KAT6B: variants seen among roughly 807,000 people sequenced by gnomAD.
The protein encoded by KAT6B is histone acetyltransferase KAT6B.
A neutral mutation model predicts 187.5 loss-of-function variants in KAT6B; 10 were observed. The ratio of observed to expected loss-of-function variants is 0.05; its 90% CI spans 0.03 to 0.09. The LOEUF (loss-of-function observed/expected upper bound fraction) is 0.09, where lower values mean the gene tolerates loss of function less well. KAT6B is among the 10% of genes least tolerant of loss of function. The pLI is 1.00. For missense variants in KAT6B, 1,952 were observed against 2,558.9 expected, an observed-to-expected ratio of 0.76 and a Z score of 5.12; for synonymous variants, 861 against 926.8, an observed-to-expected ratio of 0.93 and a Z score of 1.29.
At chr10:74,897,495 A>G (rs1056069312) in intron 3 of KAT6B, among the ~76,000 whole-genome samples, 2 of 152,190 alleles carry the variant, frequency 1.3e-5, no homozygotes, top group Non-Finnish European at 2.9e-5. Flanking sequence ...CCTCAGCCCC[A>G]TTAGTTAATT....
chr10:75,022,681 A>G (rs1845530962), intron 16 of KAT6B, among the ~76,000 whole-genome samples: 1 of 152,218 alleles, frequency 6.6e-6, no homozygotes, highest in South Asian at 2.1e-4. Context: ...CTGTAATCCC[A>G]GCACTTTGGG....
intron 13 of KAT6B, among the ~76,000 whole-genome samples, chr10:75,012,950 T>C (rs1187049693): frequency 6.6e-6 from 1 of 152,016 alleles, no homozygotes; most frequent in Non-Finnish European, 1.5e-5. Flanking sequence ...CAGTGGCCCT[T>C]TGGGGAAGAG....
chr10:75,031,451 T>C lies in KAT6B; in HGVS notation c.*405T>C. The stretch of plus-strand genomic sequence containing the variant: ...CCTGTCCACTCCATGTAAATGCCTT[T>C]AGCATTTCAGTTATTGTATATTTTG... On this transcript the variant is annotated 3_prime_UTR_variant, in exon 18 of 18. Coordinates refer to ENST00000287239, the MANE Select transcript of KAT6B (RefSeq NM_012330.4). 3.0e-6 allele frequency: 1 copy of C among 332,450 alleles called. No homozygotes were observed. Among genetic ancestry groups the C allele is most frequent in the South Asian group, 4.7e-5 (1 of 21,282 alleles). 20.6% of individuals were successfully genotyped at this position (332,450 alleles called of 1,614,324 possible).
At chr10:74,869,970 A>T (rs1843797299) in intron 3 of KAT6B, among the ~76,000 whole-genome samples, 1 of 152,176 alleles carries the variant, frequency 6.6e-6, no homozygotes, top group South Asian at 2.1e-4. Flanking sequence ...GTCTGAGATA[A>T]CATACAGAGA....
intron 3 of KAT6B, among the ~76,000 whole-genome samples, chr10:74,894,734 C>A (rs1845869169): frequency 1.3e-5 from 2 of 152,140 alleles, no homozygotes; most frequent in African/African-American, 4.8e-5. Context: ...CATGTTGTAG[C>A]ATGTGACAAG....
At chr10:75,005,327 C>T (rs541369170) in intron 13 of KAT6B, among the ~76,000 whole-genome samples, 2 of 152,076 alleles carry the variant, frequency 1.3e-5, no homozygotes, top group East Asian at 3.9e-4. Context: ...AAGCAGTTCT[C>T]CTGCCTCAGT....
rs1414901285 is a variant in KAT6B at position 74,843,602 on chromosome 10, G to T, written c.621+124G>T. ...TGATAAAATTGAATGTTTTGCCTTAGAGCAGGCTTTTGTATTTTAAAATGT... is the reference window on the plus strand; with the variant it reads ...TGATAAAATTGAATGTTTTGCCTTATAGCAGGCTTTTGTATTTTAAAATGT... On this transcript the variant is annotated intron_variant, in intron 3 of 17. Transcript: ENST00000287239. 4 of 1,232,046 alleles carry T rather than the reference G, an allele frequency of 3.2e-6. No individual in the cohort carries two copies. The African/African-American group carries it at 6.0e-5, about 18-fold the overall frequency. 76.3% of individuals were successfully genotyped at this position (1,232,046 alleles called of 1,614,324 possible). A position where few individuals can be genotyped will look rare whatever the true frequency, so the allele number is the denominator to read the frequency against.
chr10:75,025,249 A>C lies in KAT6B; in HGVS notation c.3664A>C (p.Asn1222His), dbSNP rs1845730340. 1 of 1,614,014 alleles carries C rather than the reference A, an allele frequency of 6.2e-7. No individual in the cohort carries two copies. Among genetic ancestry groups the C allele is most frequent in the Non-Finnish European group, 8.5e-7 (1 of 1,179,948 alleles). The stretch of plus-strand genomic sequence containing the variant: ...CTTCAAGAATGCTGACCCTTGTAGA[A>C]GTAAGTAGAGGAATGATAAAAACCT... ...HCFKNADPCRNNMNDDSSNLK... is the reference protein window; with the variant it reads ...HCFKNADPCRHNMNDDSSNLK... The change falls in exon 17 of 18, where the codon AAC becomes CAC. Residue 1222 changes from asparagine (N) to histidine (H), a missense_variant and splice_region_variant. Coordinates refer to ENST00000287239, the MANE Select transcript of KAT6B (RefSeq NM_012330.4).
At chr10:74,915,200 G>A (rs1450096741) in intron 3 of KAT6B, among the ~76,000 whole-genome samples, 1 of 152,056 alleles carries the variant, frequency 6.6e-6, no homozygotes, top group East Asian at 1.9e-4. Context: ...ACTATATGCA[G>A]CTTATAAGAA....
chr10:74,985,375 G>A, intron 12 of KAT6B, 134 bp downstream of exon 12: 2 of 901,276 alleles, frequency 2.2e-6, no homozygotes, highest in Non-Finnish European at 3.4e-6. Context: ...TCAGGTTCTT[G>A]TTCAGAGCTC....
At chr10:74,836,258 A>G (rs1351014795) in intron 1 of KAT6B, among the ~76,000 whole-genome samples, 1 of 152,254 alleles carries the variant, frequency 6.6e-6, no homozygotes, top group Admixed American at 6.5e-5. Flanking sequence ...GGCTACTGTG[A>G]ATAGTTTTGT....
At chr10:74,945,964 T>C (rs532539946) in intron 3 of KAT6B, among the ~76,000 whole-genome samples, 1 of 152,342 alleles carries the variant, frequency 6.6e-6, no homozygotes, top group East Asian at 1.9e-4. Context: ...TAAAACCAAT[T>C]GAGAAATATT....
intron 17 of KAT6B, among the ~76,000 whole-genome samples, chr10:75,027,783 T>C (rs1319083806): frequency 6.6e-6 from 1 of 152,182 alleles, no homozygotes; most frequent in Non-Finnish European, 1.5e-5. Flanking sequence ...GAATTCAGTG[T>C]GGACAGAATT....
intron 3 of KAT6B, among the ~76,000 whole-genome samples, chr10:74,848,674 A>G (rs991941046): frequency 1.3e-5 from 2 of 152,030 alleles, no homozygotes; most frequent in Non-Finnish European, 2.9e-5. Context: ...CCTGGTCTAC[A>G]TCTTTTGTCA....
intron 3 of KAT6B, among the ~76,000 whole-genome samples, chr10:74,927,860 AG>A (rs1848613659): frequency 6.6e-6 from 1 of 152,192 alleles, no homozygotes; most frequent in Non-Finnish European, 1.5e-5. Flanking sequence ...GCTTCTGGAT[AG>A]AGAAGACCCT....
At chr10:74,980,561 A>G (rs140163842) in intron 10 of KAT6B, among the ~76,000 whole-genome samples, 40 of 152,334 alleles carry the variant, frequency 2.6e-4, no homozygotes, top group African/African-American at 8.4e-4. Flanking sequence ...TGCATAGGTA[A>G]TGATAAGCCA....
At chr10:74,979,469 C>T in intron 10 of KAT6B, 130 bp downstream of exon 10, 1 of 721,016 alleles carries the variant, frequency 1.4e-6, no homozygotes. Flanking sequence ...CCAAGTGCTT[C>T]CCAAACTATT....
intron 3 of KAT6B, among the ~76,000 whole-genome samples, chr10:74,878,619 CAAAAAAAAAAA>C (rs11365400): frequency 2.8e-5 from 2 of 71,980 alleles, no homozygotes; most frequent in African/African-American, 8.6e-5. Flanking sequence ...GACTCCATCT[CAAAAAAAAAAA>C]AAAAAAAAAG....
chr10:74,930,925 T>C (rs1223551566), intron 3 of KAT6B, among the ~76,000 whole-genome samples: 1 of 152,224 alleles, frequency 6.6e-6, no homozygotes, highest in Non-Finnish European at 1.5e-5. Flanking sequence ...CAGCTACGTG[T>C]CCATAGAGAC....
Sources: gnomAD v4.1 joint callset for allele counts (sites outside exome capture counted in the v4.1 genomes callset) on GRCh38, gnomAD v4.1.1 for gene constraint, MANE v1.5 for transcripts, NCBI Gene and HGNC (gene_info 2026-07-23, HGNC 2026-07-21) for gene names.